The following DYSF variants were observed in gnomAD, a reference collection of about 807,000 sequenced individuals.
DYSF encodes dystrophy-associated fer-1-like 1.
In DYSF, 212 loss-of-function variants were observed where a neutral mutation model predicts 274.9. The ratio of observed to expected loss-of-function variants is 0.77; its 90% CI spans 0.69 to 0.86. The LOEUF (loss-of-function observed/expected upper bound fraction) is 0.86. DYSF is among the 40% of genes least tolerant of loss of function. The pLI is 0.00. For synonymous variants in DYSF, 1,091 were observed against 1,078.7 expected, an observed-to-expected ratio of 1.01 and a Z score of -0.22; for missense variants, 2,666 against 2,783.2, an observed-to-expected ratio of 0.96 and a Z score of 0.95.
intron 20 of DYSF, 55 bp from the exon 21 acceptor site, chr2:71,553,752 A>AAACCCCCCCCCCCCC: frequency 3.7e-6 from 1 of 267,802 alleles, no homozygotes; most frequent in Non-Finnish European, 6.7e-6. Flanking sequence ...TTAGCACCCC[A>AAACCCCCCCCCCCCC]TCCCACCCGC....
chr2:71,454,006 G>C, exon 1 of DYSF: 1 of 1,614,198 alleles, frequency 6.2e-7, no homozygotes, highest in Non-Finnish European at 8.5e-7. Flanking sequence ...AGCATGCTGA[G>C]GGTCTTCATC....
At chr2:71,537,218 G>GTTTTTTTTTTTT (rs751063098) in intron 16 of DYSF, among the ~76,000 whole-genome samples, 2 of 47,698 alleles carry the variant, frequency 4.2e-5, no homozygotes, top group African/African-American at 1.3e-4. Flanking sequence ...TTACTTTCTA[G>GTTTTTTTTTTTT]TTTTGTTTTT....
chr2:71,679,078 A>G lies in DYSF; in HGVS notation c.5906A>G (p.Asn1969Ser), dbSNP rs775578484. The G allele has an allele frequency of 9.9e-6, 16 of 1,614,024 alleles. No individual in the cohort carries two copies. Among genetic ancestry groups the G allele is most frequent in the Non-Finnish European group, 1.3e-5 (15 of 1,179,902 alleles). Residue 1969 changes from asparagine to serine, a missense_variant, in exon 53 of 56, where the codon AAC (asparagine) becomes AGC (serine). Asn to Ser is a conservative substitution (Grantham distance 46, BLOSUM62 1). Coordinates refer to ENST00000410020, the MANE Select transcript of DYSF (RefSeq NM_001130987.2). The stretch of plus-strand genomic sequence containing the variant: ...GCAGGCTCCCTGCAGCTCGATCTCA[A>G]CCGCATGCCCAAGCCAGCCAAGACA... ...DFLGSLQLDL[N>S]RMPKPAKTAK...
intron 3 of DYSF, among the ~76,000 whole-genome samples, chr2:71,485,284 T>C (rs921178082): frequency 3.9e-5 from 6 of 152,122 alleles, no homozygotes; most frequent in Non-Finnish European, 2.9e-5. Context: ...GGCTGGGCAT[T>C]GTGGCTCATA....
chr2:71,612,924 G>T (rs1028775624), intron 39 of DYSF, 118 bp downstream of exon 39: 41 of 1,324,058 alleles, frequency 3.1e-5, no homozygotes, highest in African/African-American at 4.4e-5. Flanking sequence ...AATGAGAAGT[G>T]GTTTCTGCTC....
chr2:71,503,388 T>C (rs1271586338), intron 4 of DYSF, 69 bp downstream of exon 4: 2 of 1,505,516 alleles, frequency 1.3e-6, no homozygotes, highest in Non-Finnish European at 1.8e-6. Flanking sequence ...CTTTGGGCCT[T>C]GCCATTCTGA....
chr2:71,570,258 C>T lies in DYSF; in HGVS notation c.3009C>T (p.Asp1003=), dbSNP rs1478103594. Residue 1003 remains aspartate (D), a synonymous_variant, in exon 28 of 56, where the codon GAC becomes GAT. Transcript: ENST00000410020. The part of the protein sequence containing the change: ...VNGEKVLPKD[D]IECPLGWKWE... ...GGGAGAAGGTGCTTCCCAAGGATGACATTGAGTGCCCACTGGGCTGGAAGT... is the reference window on the plus strand; with the variant it reads ...GGGAGAAGGTGCTTCCCAAGGATGATATTGAGTGCCCACTGGGCTGGAAGT... 6.2e-7 allele frequency: 1 copy of T among 1,614,142 alleles called. No individual in the cohort carries two copies. Among genetic ancestry groups the T allele is most frequent in the South Asian group, 1.1e-5 (1 of 91,078 alleles).
chr2:71,502,079 C>CTG (rs71402986), intron 3 of DYSF, among the ~76,000 whole-genome samples: 6,219 of 143,800 alleles, frequency 0.043, 189 homozygotes, highest in African/African-American at 0.082. Context: ...CTCCATGACT[C>CTG]TGTGTGTGTG....
chr2:71,466,951 G>A lies in DYSF; in HGVS notation c.91+18G>A. 6.5e-7 allele frequency: 1 copy of A among 1,547,976 alleles called. No individual in the cohort carries two copies. The highest frequency in any genetic ancestry group is 8.7e-7 in the Non-Finnish European group (1 of 1,144,792). On this transcript the variant is annotated intron_variant, in intron 1 of 55. Coordinates refer to ENST00000410020, the MANE Select transcript of DYSF (RefSeq NM_001130987.2). ...TTTCCGAGGTGAGAGCCCCGTGGCT[G>A]CCGCGCCCATGCTCGGGTGCTACCC...
In DYSF at chr2:71,667,426, G is replaced by C. The variant is rs1419762773; in HGVS notation, c.5368G>C (p.Ala1790Pro). Residue 1790 changes from alanine to proline, a missense_variant, in exon 48 of 56, where the codon GCT becomes CCT. Physicochemically the swap from Ala to Pro is conservative, Grantham distance 27 (BLOSUM62 -1). Around this residue, in one of 3 missense-constraint regions of DYSF, gnomAD observed 1,460 missense variants for 1,502.1 expected, o/e 0.97. Transcript: ENST00000410020. ...PHLGPVEERL[A>P]LHVLQQQGLV... ...CCTGGGCCCAGTGGAGGAGCGTCTG[G>C]CTCTGCATGTGCTTCAGCAGCAGGG... 1.2e-6 allele frequency: 2 copies of C among 1,614,128 alleles called. No individual in the cohort carries two copies. The highest frequency in any genetic ancestry group is 1.7e-6 in the Non-Finnish European group (2 of 1,180,038).
rs2303601 is a variant in DYSF at position 71,598,879 on chromosome 2, A to T, written c.3756+134A>T. ...CCACGGGCCCTAGAACAATTAAAAT[A>T]ATTTTAGAGTCATTAAAAATGGATT... is the stretch of plus-strand genomic sequence containing the variant. On this transcript the variant is annotated intron_variant, in intron 33 of 55. Coordinates refer to ENST00000410020, the MANE Select transcript of DYSF (RefSeq NM_001130987.2). 386,844 of 1,014,130 alleles carry T rather than the reference A, an allele frequency of 0.38. 75,946 individuals are homozygous for T. Among genetic ancestry groups the T allele is most frequent in the Admixed American group, 0.41 (19,133 of 47,054 alleles). The allele number at this position is 1,014,130 out of a possible 1,614,324, so 62.8% of individuals were successfully genotyped here.
intron 24 of DYSF, among the ~76,000 whole-genome samples, chr2:71,566,254 G>A (rs1193576428): frequency 2.7e-5 from 4 of 149,266 alleles, no homozygotes; most frequent in Non-Finnish European, 5.9e-5. Context: ...GCTGAATTGT[G>A]CCTGGTGGAC....
chr2:71,488,914 G>C (rs2083576085), intron 3 of DYSF, among the ~76,000 whole-genome samples: 1 of 152,104 alleles, frequency 6.6e-6, no homozygotes, highest in Non-Finnish European at 1.5e-5. Flanking sequence ...GGGGACCCAG[G>C]AGACAACCTG....
In DYSF at chr2:71,602,768, T is replaced by C. The variant is rs765774189; in HGVS notation, c.3928-8T>C. ...CTGGATGTGCCACATCCCATGGCTGTGGGCCAGGTGCAGGAGACATCAAGG... is the reference window on the plus strand; with the variant it reads ...CTGGATGTGCCACATCCCATGGCTGCGGGCCAGGTGCAGGAGACATCAAGG... On this transcript the variant is annotated splice_polypyrimidine_tract_variant and splice_region_variant and intron_variant, in intron 35 of 55. Coordinates refer to ENST00000410020, the MANE Select transcript of DYSF (RefSeq NM_001130987.2). 5 of 1,612,994 alleles carry C rather than the reference T, an allele frequency of 3.1e-6. No individual in the cohort carries two copies. In the East Asian group the frequency reaches 1.1e-4, roughly 36 times the overall value.
chr2:71,570,800 C>T (rs892672005), intron 29 of DYSF, 59 bp downstream of exon 29: 19 of 1,606,070 alleles, frequency 1.2e-5, no homozygotes, highest in Admixed American at 1.7e-5. Flanking sequence ...CCAGTAGGCA[C>T]AGATGCAGAC....
chr2:71,504,653 G>A (rs952363505), intron 4 of DYSF, among the ~76,000 whole-genome samples: 1 of 152,182 alleles, frequency 6.6e-6, no homozygotes, highest in African/African-American at 2.4e-5. Flanking sequence ...AAAGCCTTGG[G>A]GTCAGGCTTG....
intron 43 of DYSF, among the ~76,000 whole-genome samples, chr2:71,656,871 A>G (rs1161072469): frequency 6.6e-6 from 1 of 152,168 alleles, no homozygotes; most frequent in East Asian, 1.9e-4. Context: ...GGGAGATACA[A>G]TTGGAGTTGA....
chr2:71,552,931 G>C, intron 19 of DYSF, 80 bp from the exon 20 acceptor site: 1 of 1,501,488 alleles, frequency 6.7e-7, no homozygotes, highest in East Asian at 2.3e-5. Context: ...GCCGGGGCCT[G>C]CCAGACGTAT....
upstream of DYSF, among the ~76,000 whole-genome samples, chr2:71,463,718 G>A (rs2081381142): frequency 6.6e-6 from 1 of 152,232 alleles, no homozygotes; most frequent in African/African-American, 2.4e-5. Flanking sequence ...TGCACACAAA[G>A]CAGGAGAGGG....
Sources: allele counts gnomAD v4.1 joint callset (sites outside exome capture counted in the v4.1 genomes callset), GRCh38; gene constraint gnomAD v4.1.1; regional missense constraint gnomAD v4.1.1; transcripts MANE v1.5; gene names NCBI Gene and HGNC (gene_info 2026-07-23, HGNC 2026-07-21).